RAB8B: variants seen among roughly 807,000 people sequenced by gnomAD.
The protein encoded by RAB8B is RAB8B, member RAS oncogene family, also known as ras-related protein Rab-8B.
A neutral mutation model predicts 32.0 loss-of-function variants in RAB8B; 11 were observed. The observed-to-expected ratio is 0.34, with a 90% confidence interval of 0.22 to 0.57. RAB8B has a LOEUF of 0.57. Among genes scored for constraint, RAB8B ranks in the 20% least tolerant of loss-of-function variants. The probability of loss-of-function intolerance (pLI) is 0.86; values close to 1 mark genes in which losing one functional copy is unlikely to be tolerated. For missense variants in RAB8B, 190 were observed against 258.5 expected, an observed-to-expected ratio of 0.73 and a Z score of 1.82; for synonymous variants, 103 against 89.6, an observed-to-expected ratio of 1.15 and a Z score of -0.85.
In RAB8B at chr15:63,265,448, G is replaced by A. The variant is rs901626566; in HGVS notation, c.*1829G>A. The stretch of plus-strand genomic sequence containing the variant: ...CTGTTCTAGTATAATTAGTAGTTCC[G>A]TGATTGAAAGTTTATTGTAATTCTA... On this transcript the variant is annotated 3_prime_UTR_variant, in exon 8 of 8. Transcript: ENST00000321437. This position sits in a 1 kb window ranked among gnomAD's most constrained non-coding sequence, Gnocchi z 4.9. 6 of 151,338 alleles carry A rather than the reference G, an allele frequency of 4.0e-5. No homozygotes were observed. The highest frequency in any genetic ancestry group is 7.4e-5 in the Non-Finnish European group (5 of 67,902). 9.4% of individuals were successfully genotyped at this position (151,338 alleles called of 1,614,324 possible).
chr15:63,201,796 A>G (rs752297616), intron 1 of RAB8B, among the ~76,000 whole-genome samples: 2 of 152,106 alleles, frequency 1.3e-5, no homozygotes, highest in Non-Finnish European at 2.9e-5. Flanking sequence ...TGACTGATTA[A>G]TCAAGTAAGA....
chr15:63,246,644 C>T (rs2038074730), intron 2 of RAB8B, among the ~76,000 whole-genome samples: 1 of 152,182 alleles, frequency 6.6e-6, no homozygotes, highest in East Asian at 1.9e-4. Context: ...TCCTGAAGCT[C>T]TCCAAACCCA....
chr15:63,219,800 A>C (rs1332628917), intron 1 of RAB8B, among the ~76,000 whole-genome samples: 2 of 152,150 alleles, frequency 1.3e-5, no homozygotes, highest in African/African-American at 4.8e-5. Flanking sequence ...TATTGAGCCT[A>C]TATTGATGGA....
At chr15:63,256,726 G>T in intron 5 of RAB8B, 132 bp downstream of exon 5, 1 of 662,240 alleles carries the variant, frequency 1.5e-6, no homozygotes. Context: ...CAACAACAAA[G>T]AGATGTAATC....
chr15:63,256,522 C>A lies in RAB8B; in HGVS notation c.342C>A (p.Val114=). Residue 114 remains valine, a synonymous_variant, in exon 5 of 8, where the codon GTC becomes GTA. Transcript: ENST00000321437. ...RNIEEHASSD[V]ERMILGNKCD... ...CCCTGCAGCATGCCTCTTCCGATGT[C>A]GAAAGAATGATCCTGGGTAACAAAT... The A allele has an allele frequency of 6.2e-7, 1 of 1,600,246 alleles. No homozygotes were observed. The highest frequency in any genetic ancestry group is 8.5e-7 in the Non-Finnish European group (1 of 1,175,740).
chr15:63,259,659 G>T lies in RAB8B; in HGVS notation c.447G>T (p.Glu149Asp), dbSNP rs1345626853. The T allele has an allele frequency of 6.2e-7, 1 of 1,613,892 alleles. No homozygotes were observed. Among genetic ancestry groups the T allele is most frequent in the Non-Finnish European group, 8.5e-7 (1 of 1,179,900 alleles). ...LAIDYGIKFLETSAKSSANVE... is the reference protein window; with the variant it reads ...LAIDYGIKFLDTSAKSSANVE... ...TTGACTATGGGATTAAATTCTTGGA[G>T]ACAAGCGCAAAATCCAGTGCAAATG... The change falls in exon 6 of 8, where the codon GAG becomes GAT. Residue 149 changes from glutamate to aspartate, a missense_variant. Physicochemically the swap from Glu to Asp is conservative, Grantham distance 45. This residue lies in a region of RAB8B where 110 missense variants were observed against 115.9 expected (regional missense o/e 0.95). Transcript: ENST00000321437. This position sits in a 1 kb window ranked among gnomAD's most constrained non-coding sequence, Gnocchi z 4.4.
chr15:63,245,639 G>A (rs1053149926), intron 2 of RAB8B, among the ~76,000 whole-genome samples: 2 of 152,164 alleles, frequency 1.3e-5, no homozygotes, highest in Admixed American at 1.3e-4. Context: ...TTGAGGGCTG[G>A]GTCCCGCAGT....
chr15:63,193,120 G>C (rs1452025504), intron 1 of RAB8B, among the ~76,000 whole-genome samples: 1 of 152,152 alleles, frequency 6.6e-6, no homozygotes, highest in African/African-American at 2.4e-5. Context: ...CTAGCTACTT[G>C]GGAGGCTGAG....
At chr15:63,240,884 G>A (rs1302139724) in intron 1 of RAB8B, among the ~76,000 whole-genome samples, 1 of 151,430 alleles carries the variant, frequency 6.6e-6, no homozygotes, top group Non-Finnish European at 1.5e-5. Context: ...AGGCTTTAAG[G>A]AGCCTCAAAT....
intron 1 of RAB8B, among the ~76,000 whole-genome samples, chr15:63,230,983 C>T (rs996073498): frequency 2.0e-5 from 3 of 152,158 alleles, no homozygotes; most frequent in East Asian, 1.9e-4. Context: ...ACCCTTCCTC[C>T]TCCCCTCTCT....
rs1461294745 is a variant in RAB8B, at chr15:63,219,292, C to T, written c.125-25464C>T. ...CAGCCTGGCAAAGGAGCGAGACTCCCATCAAAAAAAAAAAAAAAGAAAGAA... is the reference window on the plus strand; with the variant it reads ...CAGCCTGGCAAAGGAGCGAGACTCCTATCAAAAAAAAAAAAAAAGAAAGAA... On this transcript the variant is annotated intron_variant, in intron 1 of 7. Coordinates refer to ENST00000321437, the MANE Select transcript of RAB8B (RefSeq NM_016530.3). Among the ~76,000 whole-genome samples, 15 of 135,254 alleles carry T rather than the reference C, an allele frequency of 1.1e-4. No individual in the cohort carries two copies. In the East Asian group the frequency reaches 3.0e-3, roughly 27 times the overall value. 88.7% of individuals were successfully genotyped at this position (135,254 alleles called of 152,430 possible).
chr15:63,218,418 T>C (rs928719981), intron 1 of RAB8B, among the ~76,000 whole-genome samples: 1 of 152,242 alleles, frequency 6.6e-6, no homozygotes, highest in Non-Finnish European at 1.5e-5. Context: ...CATTATCTGC[T>C]GAGCAGGGAT....
chr15:63,204,353 G>A (rs2141111727), intron 1 of RAB8B, among the ~76,000 whole-genome samples: 3 of 152,286 alleles, frequency 2.0e-5, no homozygotes, highest in Admixed American at 2.0e-4. Context: ...GACCTCGGGT[G>A]CAGCATGTTA....
At chr15:63,256,700 C>A in intron 5 of RAB8B, 106 bp downstream of exon 5, 1 of 809,068 alleles carries the variant, frequency 1.2e-6, no homozygotes, top group East Asian at 3.0e-5. Flanking sequence ...TGTTTTAATC[C>A]CTTTAAATTG....
chr15:63,225,576 T>C lies in RAB8B; in HGVS notation c.125-19180T>C, dbSNP rs558739697. ...CTTAGGAAATCATGGTTTTGTTAGT[T>C]CATCATCTGTTGTTAGTTCCTGCTC... On this transcript the variant is annotated intron_variant, in intron 1 of 7. Transcript: ENST00000321437. Among the ~76,000 whole-genome samples the C allele has an allele frequency of 1.2e-4, 18 of 152,326 alleles. No homozygotes were observed. In the South Asian group the frequency reaches 3.7e-3, roughly 32 times the overall value.
intron 1 of RAB8B, among the ~76,000 whole-genome samples, chr15:63,235,607 T>G (rs2141130724): frequency 6.6e-6 from 1 of 151,414 alleles, no homozygotes; most frequent in East Asian, 1.9e-4. Flanking sequence ...TATCCTTAAT[T>G]TGTTAATAAT....
intron 1 of RAB8B, among the ~76,000 whole-genome samples, chr15:63,191,912 A>G (rs557869597): frequency 6.6e-6 from 1 of 152,338 alleles, no homozygotes; most frequent in South Asian, 2.1e-4. Context: ...GAAGGGTTCA[A>G]GTCTATCAGT....
chr15:63,236,135 T>C (rs534369627), intron 1 of RAB8B, among the ~76,000 whole-genome samples: 78 of 152,328 alleles, frequency 5.1e-4, no homozygotes, highest in African/African-American at 1.7e-3. Context: ...TCTAAAGTAC[T>C]TCTCAAGTCT....
chr15:63,236,795 A>G (rs900016298), intron 1 of RAB8B, among the ~76,000 whole-genome samples: 1 of 152,190 alleles, frequency 6.6e-6, no homozygotes, highest in Non-Finnish European at 1.5e-5. Flanking sequence ...TTTAAAATGT[A>G]TAATTAAATT....
Sources: gnomAD v4.1 joint callset for allele counts (sites outside exome capture counted in the v4.1 genomes callset) on GRCh38, gnomAD v4.1.1 for gene constraint, gnomAD v4.1.1 regional missense constraint, Gnocchi (gnomAD v3.1) non-coding constraint, MANE v1.5 for transcripts, NCBI Gene and HGNC (gene_info 2026-07-23, HGNC 2026-07-21) for gene names.